The following RSRC1 variants were observed in gnomAD, a reference collection of about 807,000 sequenced individuals.
The protein encoded by RSRC1 is serine/Arginine-related protein 53.
Under a neutral mutation model 49.1 loss-of-function variants are expected in RSRC1, and 39 were observed. That is an observed-to-expected ratio of 0.79 (90% CI 0.61 to 1.04). The LOEUF (loss-of-function observed/expected upper bound fraction) is 1.04. Ranked by LOEUF, RSRC1 falls within the 50% of genes least tolerant of loss-of-function variation. RSRC1 has a pLI of 0.00. For synonymous variants in RSRC1, 143 were observed against 130.8 expected, an observed-to-expected ratio of 1.09 and a Z score of -0.63; for missense variants, 388 against 402.4, an observed-to-expected ratio of 0.96 and a Z score of 0.31.
chr3:158,425,149 C>G (rs1735336047), intron 6 of RSRC1, among the ~76,000 whole-genome samples: 1 of 151,720 alleles, frequency 6.6e-6, no homozygotes, highest in Non-Finnish European at 1.5e-5. Flanking sequence ...TCTTGCTTTT[C>G]TAGTTCTTTT....
intron 3 of RSRC1, among the ~76,000 whole-genome samples, chr3:158,133,278 T>C (rs953459472): frequency 6.6e-6 from 1 of 152,200 alleles, no homozygotes; most frequent in African/African-American, 2.4e-5. Context: ...TTTATTCTTT[T>C]ATTAACCTAT....
chr3:158,511,213 G>A (rs531359435), intron 7 of RSRC1, among the ~76,000 whole-genome samples: 7 of 151,798 alleles, frequency 4.6e-5, no homozygotes, highest in East Asian at 1.9e-4. Context: ...CCACTAACTC[G>A]TCATCTAGCA....
intron 3 of RSRC1, among the ~76,000 whole-genome samples, chr3:158,155,009 T>G (rs1559921778): frequency 6.6e-6 from 1 of 152,114 alleles, no homozygotes; most frequent in African/African-American, 2.4e-5. Flanking sequence ...CTAATTCTGT[T>G]TTTTGTTTTG....
intron 3 of RSRC1, among the ~76,000 whole-genome samples, chr3:158,167,164 G>C (rs1718584547): frequency 6.6e-6 from 1 of 151,874 alleles, no homozygotes. Context: ...TTTTTGTGGT[G>C]GTATATTTTC....
intron 3 of RSRC1, among the ~76,000 whole-genome samples, chr3:158,138,223 T>C (rs1219017891): frequency 1.3e-5 from 2 of 152,212 alleles, no homozygotes; most frequent in Non-Finnish European, 2.9e-5. Flanking sequence ...AGAGAGGGGC[T>C]ATGACCTCAA....
At chr3:158,367,762 C>CT (rs202164370) in intron 6 of RSRC1, among the ~76,000 whole-genome samples, 44 of 150,194 alleles carry the variant, frequency 2.9e-4, no homozygotes, top group Admixed American at 8.7e-4. Context: ...TTAGTTAAAG[C>CT]TTTTTTTTTC....
intron 6 of RSRC1, among the ~76,000 whole-genome samples, chr3:158,372,527 A>G (rs867355275): frequency 1.3e-5 from 2 of 151,906 alleles, no homozygotes; most frequent in Admixed American, 6.6e-5. Context: ...CTTTTACTCA[A>G]TACCAGCCTT....
At chr3:158,384,899 C>A (rs1297984626) in intron 6 of RSRC1, among the ~76,000 whole-genome samples, 1 of 151,970 alleles carries the variant, frequency 6.6e-6, no homozygotes, top group East Asian at 1.9e-4. Flanking sequence ...AAGAGTGGGC[C>A]AGAAAGAGCA....
intron 6 of RSRC1, among the ~76,000 whole-genome samples, chr3:158,441,407 A>G (rs1736373377): frequency 6.6e-6 from 1 of 152,112 alleles, no homozygotes; most frequent in African/African-American, 2.4e-5. Context: ...GATATTAACA[A>G]AAGAAAGAAC....
At chr3:158,150,898 C>G (rs949723277) in intron 3 of RSRC1, among the ~76,000 whole-genome samples, 7 of 152,144 alleles carry the variant, frequency 4.6e-5, no homozygotes, top group African/African-American at 1.7e-4. Flanking sequence ...AATTCATCTT[C>G]TTTCTCTTTT....
intron 3 of RSRC1, among the ~76,000 whole-genome samples, chr3:158,191,665 A>G (rs1321746409): frequency 1.3e-5 from 2 of 152,044 alleles, no homozygotes; most frequent in Non-Finnish European, 1.5e-5. Context: ...TTCTTTGCTT[A>G]TAATAGATCT....
chr3:158,461,075 T>A (rs1737585490), intron 7 of RSRC1, 72 bp downstream of exon 7: 1 of 1,068,206 alleles, frequency 9.4e-7, no homozygotes, highest in Non-Finnish European at 1.4e-6. Flanking sequence ...CCGTAGAATA[T>A]AATCTAATGC....
intron 3 of RSRC1, among the ~76,000 whole-genome samples, chr3:158,129,288 C>CTTTT (rs71144439): frequency 0.017 from 1,187 of 70,980 alleles, no homozygotes; most frequent in Non-Finnish European, 0.022. Flanking sequence ...TTCTTTCTTT[C>CTTTT]TTTTTTTTTT....
intron 8 of RSRC1, among the ~76,000 whole-genome samples, chr3:158,542,983 CGTAA>C (rs1163595711): frequency 3.9e-5 from 6 of 151,958 alleles, no homozygotes; most frequent in Non-Finnish European, 8.8e-5. Flanking sequence ...AGTATAGGCA[CGTAA>C]GTACCAATTT....
chr3:158,333,212 C>T (rs942791684), intron 5 of RSRC1, among the ~76,000 whole-genome samples: 6 of 152,082 alleles, frequency 3.9e-5, no homozygotes, highest in Admixed American at 3.9e-4. Flanking sequence ...TCATGATCTG[C>T]CCACCTTGGC....
At chr3:158,279,499 T>C (rs528005556) in intron 4 of RSRC1, among the ~76,000 whole-genome samples, 4 of 152,384 alleles carry the variant, frequency 2.6e-5, no homozygotes, top group South Asian at 2.1e-4. Context: ...CGTAGTTTAC[T>C]GATCCCTGAT....
At chr3:158,406,790 A>T (rs1453269799) in intron 6 of RSRC1, among the ~76,000 whole-genome samples, 1 of 152,034 alleles carries the variant, frequency 6.6e-6, no homozygotes, top group East Asian at 1.9e-4. Context: ...CAGCTATTTT[A>T]TTGACTTTGA....
chr3:158,342,458 GCCA>G (rs1168817222), intron 5 of RSRC1, among the ~76,000 whole-genome samples: 1 of 151,954 alleles, frequency 6.6e-6, no homozygotes, highest in African/African-American at 2.4e-5. Context: ...TTTTTCTCTT[GCCA>G]CCACCATGTA....
intron 5 of RSRC1, among the ~76,000 whole-genome samples, chr3:158,327,737 G>T (rs956699913): frequency 1.2e-4 from 18 of 152,180 alleles, no homozygotes; most frequent in African/African-American, 4.3e-4. Context: ...TTCTGTAGAT[G>T]TCTATTAGGT....
Sources: gnomAD v4.1 joint callset for allele counts (sites outside exome capture counted in the v4.1 genomes callset) on GRCh38, gnomAD v4.1.1 for gene constraint, MANE v1.5 for transcripts, NCBI Gene and HGNC (gene_info 2026-07-23, HGNC 2026-07-21) for gene names.